AVEN: variants seen among roughly 807,000 people sequenced by gnomAD.
AVEN encodes cell death regulator Aven.
In AVEN, 41 loss-of-function variants were observed where a neutral mutation model predicts 38.1. The ratio of observed to expected loss-of-function variants is 1.08; its 90% CI spans 0.84 to 1.40. AVEN has a LOEUF of 1.40. Ranked by LOEUF, AVEN falls within the 40% of genes most tolerant of loss-of-function variation. AVEN has a pLI of 0.00. For missense variants in AVEN, 605 were observed against 438.8 expected (o/e 1.38, Z -3.38); for synonymous variants, 206 against 171.8 (o/e 1.20, Z -1.56).
chr15:33,920,775 C>CT (rs36067823), intron 2 of AVEN, among the ~76,000 whole-genome samples: 44,395 of 151,004 alleles, frequency 0.29, 7,021 homozygotes, highest in East Asian at 0.41. Context: ...AATATACTTC[C>CT]TTTTTTTTTA....
chr15:33,853,381 T>G, the AVEN span, among the ~76,000 whole-genome samples: 3 of 152,250 alleles, frequency 2.0e-5, no homozygotes, highest in South Asian at 6.2e-4. Flanking sequence ...TATCATTTAA[T>G]TGTCTTCATT....
At chr15:33,995,326 TAAAA>T (rs891189177) in intron 2 of AVEN, among the ~76,000 whole-genome samples, 1 of 152,068 alleles carries the variant, frequency 6.6e-6, no homozygotes, top group African/African-American at 2.4e-5. Context: ...AAAATACAAA[TAAAA>T]AATAATACAG....
At chr15:34,049,118 T>C (rs1229244953) in intron 5 of AVEN, among the ~76,000 whole-genome samples, 1 of 152,160 alleles carries the variant, frequency 6.6e-6, no homozygotes, top group African/African-American at 2.4e-5. Flanking sequence ...ACAAAAATGC[T>C]GAAAACTCAA....
chr15:34,039,515 T>C (rs1185546273), upstream of AVEN, among the ~76,000 whole-genome samples: 2 of 152,242 alleles, frequency 1.3e-5, no homozygotes, highest in Non-Finnish European at 2.9e-5. Context: ...AGTTAATTTT[T>C]TTTCCTCCGT....
intron 2 of AVEN, among the ~76,000 whole-genome samples, chr15:33,895,482 T>C (rs935790101): frequency 2.0e-5 from 3 of 152,026 alleles, no homozygotes; most frequent in Admixed American, 2.0e-4. Flanking sequence ...TTCACCACCA[T>C]GCCCAGCTAA....
chr15:33,866,185 G>C (rs1206199365), downstream of AVEN: 3 of 172,348 alleles, frequency 1.7e-5, no homozygotes, highest in Non-Finnish European at 3.8e-5. Context: ...GGGGACATGA[G>C]ACGAATTGCC....
chr15:33,877,747 G>A (rs1384853089), intron 2 of AVEN, among the ~76,000 whole-genome samples: 2 of 152,066 alleles, frequency 1.3e-5, no homozygotes, highest in Non-Finnish European at 2.9e-5. Context: ...TCAGGAGTTC[G>A]AGAACAGCCT....
chr15:33,868,306 G>A (rs1890781919), intron 4 of AVEN, among the ~76,000 whole-genome samples: 1 of 152,108 alleles, frequency 6.6e-6, no homozygotes, highest in Non-Finnish European at 1.5e-5. Context: ...GGTGGATCAT[G>A]AGGTCAGGAG....
chr15:34,025,831 G>A (rs1442347234), intron 1 of AVEN, among the ~76,000 whole-genome samples: 1 of 152,022 alleles, frequency 6.6e-6, no homozygotes, highest in African/African-American at 2.4e-5. Flanking sequence ...CACTGGACCT[G>A]TCCAAACTCA....
chr15:33,918,101 T>C (rs1405267365), intron 2 of AVEN, among the ~76,000 whole-genome samples: 1 of 152,118 alleles, frequency 6.6e-6, no homozygotes, highest in East Asian at 1.9e-4. Flanking sequence ...TTTTTTCTAC[T>C]TTTTATTTTG....
At chr15:33,864,032 A>ATAGCGTGGGACCAAC (rs558975359), downstream of AVEN, 624 of 733,760 alleles carry the variant, frequency 8.5e-4, 3 homozygotes, top group African/African-American at 0.01. Flanking sequence ...GTCACTGTAG[A>ATAGCGTGGGACCAAC]TAGCGTGGGA....
chr15:33,927,179 C>T (rs551312339), intron 2 of AVEN, among the ~76,000 whole-genome samples: 7 of 151,766 alleles, frequency 4.6e-5, no homozygotes, highest in South Asian at 4.2e-4. Context: ...GGCTTGAACC[C>T]GAGAGGTGGA....
chr15:33,899,085 T>A (rs2077422), intron 2 of AVEN, among the ~76,000 whole-genome samples: 1 of 151,910 alleles, frequency 6.6e-6, no homozygotes, highest in Non-Finnish European at 1.5e-5. Context: ...GGGGACCAGA[T>A]AGAAGGTGGT....
At chr15:33,875,903 C>A in intron 3 of AVEN, 22 bp downstream of exon 3, 1 of 1,606,440 alleles carries the variant, frequency 6.2e-7, no homozygotes, top group Non-Finnish European at 8.5e-7. Context: ...CCAGTCCACA[C>A]TTAACACAAC....
intron 2 of AVEN, among the ~76,000 whole-genome samples, chr15:33,908,993 G>GA (rs1460954958): frequency 1.3e-5 from 2 of 152,180 alleles, no homozygotes; most frequent in Non-Finnish European, 2.9e-5. Context: ...GAGATGCACT[G>GA]AAGTGTTTCT....
chr15:33,973,878 G>A (rs1422016200), intron 2 of AVEN, among the ~76,000 whole-genome samples: 1 of 152,102 alleles, frequency 6.6e-6, no homozygotes, highest in Admixed American at 6.5e-5. Flanking sequence ...GCATTCTCAG[G>A]TACAATCTCA....
intron 2 of AVEN, among the ~76,000 whole-genome samples, chr15:33,955,651 G>A (rs111438117): frequency 8.9e-4 from 135 of 152,146 alleles, no homozygotes; most frequent in African/African-American, 3.0e-3. Context: ...AAGAAATGTC[G>A]GGGGGATGGG....
chr15:33,986,152 G>A (rs1443123161), intron 2 of AVEN, among the ~76,000 whole-genome samples: 1 of 151,402 alleles, frequency 6.6e-6, no homozygotes, highest in Non-Finnish European at 1.5e-5. Context: ...TGTCGCCCAG[G>A]CTGGAGTGCA....
chr15:33,854,459 G>A, downstream of AVEN: 2 of 1,556,104 alleles, frequency 1.3e-6, no homozygotes, highest in Non-Finnish European at 1.7e-6. Context: ...CGTAAGTACT[G>A]CACCTGGAAA....
Sources: allele counts gnomAD v4.1 joint callset (sites outside exome capture counted in the v4.1 genomes callset), GRCh38; gene constraint gnomAD v4.1.1; transcripts MANE v1.5; gene names NCBI Gene and HGNC (gene_info 2026-07-23, HGNC 2026-07-21).